Variants in SLIT2 observed in about 807,000 individuals in gnomAD.
SLIT2 encodes the protein slit homolog 2 protein.
SLIT2 carries 41 observed loss-of-function variants against 185.7 expected under a neutral mutation model. The ratio of observed to expected loss-of-function variants is 0.22; its 90% CI spans 0.17 to 0.29. SLIT2 has a LOEUF of 0.29. SLIT2 is among the 10% of genes least tolerant of loss of function. The pLI is 1.00. For synonymous variants in SLIT2, 693 were observed against 680.2 expected (o/e 1.02, Z -0.29); for missense variants, 1,571 against 1,909.0 (o/e 0.82, Z 3.30).
intron 4 of SLIT2, among the ~76,000 whole-genome samples, chr4:20,458,506 A>G (rs1050914935): frequency 6.6e-6 from 1 of 152,178 alleles, no homozygotes; most frequent in African/African-American, 2.4e-5. Flanking sequence ...CCTCTTCCCT[A>G]GCGATTCTGC....
chr4:20,333,168 T>C (rs1402077681), intron 4 of SLIT2, among the ~76,000 whole-genome samples: 3 of 152,200 alleles, frequency 2.0e-5, no homozygotes, highest in Admixed American at 6.5e-5. Flanking sequence ...ATGAAAGCCG[T>C]TAAGCTTTAT....
chr4:20,320,155 C>A (rs952767380), intron 4 of SLIT2, among the ~76,000 whole-genome samples: 1 of 152,188 alleles, frequency 6.6e-6, no homozygotes, highest in Non-Finnish European at 1.5e-5. Context: ...TACAGATAAA[C>A]ATGAAGAAGA....
At chr4:20,300,592 A>G (rs566470115) in intron 4 of SLIT2, among the ~76,000 whole-genome samples, 5 of 129,604 alleles carry the variant, frequency 3.9e-5, no homozygotes, top group South Asian at 2.8e-4. Flanking sequence ...ACATGTAGAC[A>G]CGTGCAGACA....
At chr4:20,522,562 T>A (rs2148847073) in intron 12 of SLIT2, among the ~76,000 whole-genome samples, 1 of 152,050 alleles carries the variant, frequency 6.6e-6, no homozygotes, top group East Asian at 1.9e-4. Context: ...TTGAGGAAAG[T>A]AGAGAGCAGA....
chr4:20,567,222 G>T (rs764501008), intron 26 of SLIT2, 40 bp from the exon 27 acceptor site: 10 of 1,566,954 alleles, frequency 6.4e-6, no homozygotes, highest in Non-Finnish European at 8.7e-6. Context: ...AAGTAAACTG[G>T]AAGAGCGTCA....
intron 8 of SLIT2, chr4:20,490,889 A>T: frequency 8.3e-7 from 1 of 1,204,604 alleles, no homozygotes; most frequent in Non-Finnish European, 1.2e-6. Context: ...TAGAATTAGC[A>T]GCTGGCTTGC....
intron 4 of SLIT2, among the ~76,000 whole-genome samples, chr4:20,303,559 C>G (rs899606880): frequency 1.3e-5 from 2 of 151,966 alleles, no homozygotes; most frequent in African/African-American, 2.4e-5. Flanking sequence ...CTCCTTTGTA[C>G]CAACCTCTGT....
intron 4 of SLIT2, among the ~76,000 whole-genome samples, chr4:20,321,842 C>CT (rs1249296005): frequency 1.3e-5 from 2 of 152,112 alleles, no homozygotes; most frequent in Admixed American, 6.6e-5. Flanking sequence ...CATGTTTAAA[C>CT]TTTATCAGTG....
intron 5 of SLIT2, among the ~76,000 whole-genome samples, chr4:20,475,750 T>A (rs1330517600): frequency 6.6e-6 from 1 of 152,150 alleles, no homozygotes; most frequent in Non-Finnish European, 1.5e-5. Flanking sequence ...TTTTGATTAG[T>A]TCACTTACAA....
chr4:20,584,653 G>A (rs1401242899), intron 29 of SLIT2, among the ~76,000 whole-genome samples: 3 of 152,090 alleles, frequency 2.0e-5, no homozygotes. Context: ...TAGAAGAGTG[G>A]GTATCACTTT....
chr4:20,401,452 T>G (rs553140861), intron 4 of SLIT2, among the ~76,000 whole-genome samples: 1 of 151,950 alleles, frequency 6.6e-6, no homozygotes, highest in South Asian at 2.1e-4. Flanking sequence ...TGAATGATAT[T>G]TTGCATCATG....
chr4:20,408,968 T>C (rs934511670), intron 4 of SLIT2, among the ~76,000 whole-genome samples: 12 of 151,890 alleles, frequency 7.9e-5, no homozygotes, highest in African/African-American at 2.7e-4. Flanking sequence ...CATATGCACT[T>C]GTGCTCATAT....
chr4:20,467,037 T>C (rs1714432531), intron 4 of SLIT2, among the ~76,000 whole-genome samples: 1 of 152,206 alleles, frequency 6.6e-6, no homozygotes. Flanking sequence ...TTTCATGAGA[T>C]GAGCGATTTT....
intron 3 of SLIT2, 85 bp downstream of exon 3, chr4:20,258,024 C>T (rs1163132287): frequency 5.6e-6 from 4 of 715,984 alleles, no homozygotes; most frequent in Non-Finnish European, 9.7e-6. Flanking sequence ...TCTTCAATTT[C>T]ATGTCTTAGG....
chr4:20,305,687 A>G (rs1455664293), intron 4 of SLIT2, among the ~76,000 whole-genome samples: 1 of 151,556 alleles, frequency 6.6e-6, no homozygotes, highest in Non-Finnish European at 1.5e-5. Context: ...AGCCTGACCA[A>G]CATGGTGAAA....
intron 4 of SLIT2, among the ~76,000 whole-genome samples, chr4:20,337,316 A>G (rs73234458): frequency 0.074 from 11,196 of 151,962 alleles, 558 homozygotes; most frequent in Non-Finnish European, 0.11. Flanking sequence ...GTGTGGGGAA[A>G]CTCCACCTTA....
chr4:20,588,979 T>C (rs1727289148), intron 29 of SLIT2, among the ~76,000 whole-genome samples: 1 of 152,160 alleles, frequency 6.6e-6, no homozygotes, highest in South Asian at 2.1e-4. Context: ...GCGGCAATGA[T>C]CCACAAGAAG....
At chr4:20,447,865 GT>G (rs1464948125) in intron 4 of SLIT2, among the ~76,000 whole-genome samples, 1 of 152,222 alleles carries the variant, frequency 6.6e-6, no homozygotes, top group East Asian at 1.9e-4. Context: ...AATCATTGGA[GT>G]TTTTCAGCTA....
At chr4:20,361,353 T>A (rs2109294355) in intron 4 of SLIT2, among the ~76,000 whole-genome samples, 1 of 152,210 alleles carries the variant, frequency 6.6e-6, no homozygotes, top group Admixed American at 6.5e-5. Context: ...TGAACTTAAT[T>A]TTTTTAGCTT....
Sources: gnomAD v4.1 joint callset for allele counts (sites outside exome capture counted in the v4.1 genomes callset) on GRCh38, gnomAD v4.1.1 for gene constraint, MANE v1.5 for transcripts, NCBI Gene and HGNC (gene_info 2026-07-23, HGNC 2026-07-21) for gene names.